The following FOXK2 variants were observed in gnomAD, a reference collection of about 807,000 sequenced individuals.
FOXK2 encodes the protein forkhead box protein K2.
In FOXK2, 24 loss-of-function variants were observed where a neutral mutation model predicts 53.3. That is an observed-to-expected ratio of 0.45 (90% CI 0.33 to 0.63). FOXK2 has a LOEUF of 0.63. Ranked by LOEUF, FOXK2 falls within the 30% of genes least tolerant of loss-of-function variation. FOXK2 has a pLI of 0.03. For missense variants in FOXK2, 952 were observed against 910.5 expected (o/e 1.05, Z -0.59); for synonymous variants, 505 against 407.1 (o/e 1.24, Z -2.89).
At chr17:82,553,237 G>T (rs1366803455) in intron 1 of FOXK2, among the ~76,000 whole-genome samples, 2 of 152,190 alleles carry the variant, frequency 1.3e-5, no homozygotes, top group Non-Finnish European at 2.9e-5. Flanking sequence ...TGCCCAGCCA[G>T]ACTTGTTTTT....
At chr17:82,565,891 T>A (rs1042855945) in intron 2 of FOXK2, among the ~76,000 whole-genome samples, 1 of 152,180 alleles carries the variant, frequency 6.6e-6, no homozygotes, top group African/African-American at 2.4e-5. Context: ...TTCCAGAGAA[T>A]AGAAGATACA....
At chr17:82,592,201 A>C (rs887092812) in intron 8 of FOXK2, among the ~76,000 whole-genome samples, 1 of 152,172 alleles carries the variant, frequency 6.6e-6, no homozygotes, top group Non-Finnish European at 1.5e-5. Flanking sequence ...CAGCATACCC[A>C]GCCAGTGTTG....
chr17:82,545,432 A>T (rs1484806794), intron 1 of FOXK2, among the ~76,000 whole-genome samples: 3 of 152,330 alleles, frequency 2.0e-5, no homozygotes, highest in Admixed American at 2.0e-4. Flanking sequence ...GCTATTGGCC[A>T]TTCTCATTAC....
intron 5 of FOXK2, 124 bp downstream of exon 5, chr17:82,583,058 G>T: frequency 1.4e-6 from 1 of 718,180 alleles, no homozygotes; most frequent in Non-Finnish European, 2.1e-6. Flanking sequence ...ATGTTGGGAT[G>T]GGGATTTGAG....
In FOXK2 at chr17:82,519,989, G is replaced by C; in HGVS notation, c.101G>C (p.Gly34Ala). 1 of 1,400,608 alleles carries C rather than the reference G, an allele frequency of 7.1e-7. No homozygotes were observed. Among genetic ancestry groups the C allele is most frequent in the African/African-American group, 1.5e-5 (1 of 67,500 alleles). 86.8% of individuals were successfully genotyped at this position (1,400,608 alleles called of 1,614,324 possible). Residue 34 changes from glycine to alanine, a missense_variant, in exon 1 of 9, where the codon GGC becomes GCC. By Grantham distance (60) the Gly-to-Ala change is moderately conservative (BLOSUM62 0). Around this residue, in one of 5 missense-constraint regions of FOXK2, gnomAD observed 163 missense variants for 165.5 expected, o/e 0.98. Transcript: ENST00000335255. ...GGGGGCGGCGGGTCCCCGCCGGGCG[G>C]CTGGGCCGTGGCGCGCCTGGAGGGC... ...GAGGGGSPPG[G>A]WAVARLEGRE...
At chr17:82,523,950 A>G (rs1175694081) in intron 1 of FOXK2, among the ~76,000 whole-genome samples, 3 of 152,226 alleles carry the variant, frequency 2.0e-5, no homozygotes, top group East Asian at 1.9e-4. Context: ...GCTGGAGTGC[A>G]GTGGCGTGAT....
intron 8 of FOXK2, chr17:82,596,086 A>T (rs980784413): frequency 6.9e-5 from 65 of 935,644 alleles, no homozygotes; most frequent in Non-Finnish European, 8.4e-5. Context: ...TTGTAGACAC[A>T]TTAGAGTCGG....
At chr17:82,588,235 G>A (rs9897171) in intron 8 of FOXK2, 49,226 of 152,260 alleles carry the variant, frequency 0.32, 8,585 homozygotes, top group Middle Eastern at 0.43. Flanking sequence ...ATAGATCGCA[G>A]AGTTTGCAGT....
chr17:82,587,008 G>A (rs1161041106), intron 7 of FOXK2, 55 bp from the exon 8 acceptor site: 2 of 1,562,826 alleles, frequency 1.3e-6, no homozygotes, highest in Non-Finnish European at 1.8e-6. Flanking sequence ...AAACTGGCAA[G>A]ATTTTTATTT....
At position 82,576,994 on chromosome 17, in the gene FOXK2, T is replaced by A. The variant is rs1174649277; in HGVS notation, c.909+5124T>A. On this transcript the variant is annotated intron_variant, in intron 4 of 8. Transcript: ENST00000335255. ...GACCAACACGGAGAAACTACATCTC[T>A]ACTAAAAATACAATATTATTAGCGG... 3 of 393,598 alleles carry A rather than the reference T, an allele frequency of 7.6e-6. No homozygotes were observed. The East Asian group carries it at 1.6e-4, about 21-fold the overall frequency. 24.4% of individuals were successfully genotyped at this position (393,598 alleles called of 1,614,324 possible). A position where few individuals can be genotyped will look rare whatever the true frequency, so the allele number is the denominator to read the frequency against.
At chr17:82,588,471 G>T (rs570420379) in intron 8 of FOXK2, 9 of 163,702 alleles carry the variant, frequency 5.5e-5, no homozygotes, top group African/African-American at 2.2e-4. Context: ...GAGGGCTGGC[G>T]GTTGGAGGGC....
chr17:82,526,597 G>A (rs1284860781), intron 1 of FOXK2, among the ~76,000 whole-genome samples: 1 of 152,052 alleles, frequency 6.6e-6, no homozygotes, highest in Non-Finnish European at 1.5e-5. Flanking sequence ...TTGGGAGGCC[G>A]AGGCAGGTGG....
intron 8 of FOXK2, among the ~76,000 whole-genome samples, chr17:82,594,700 C>T (rs538092396): frequency 2.5e-4 from 38 of 152,130 alleles, no homozygotes; most frequent in African/African-American, 6.5e-4. Context: ...TAGGCAGCAG[C>T]GGAGCCCGTC....
chr17:82,535,210 G>T (rs2144059915), intron 1 of FOXK2, among the ~76,000 whole-genome samples: 1 of 152,302 alleles, frequency 6.6e-6, no homozygotes, highest in South Asian at 2.1e-4. Flanking sequence ...TGAGAAGTCA[G>T]CTGTTAACAG....
At chr17:82,540,631 C>G (rs999871208) in intron 1 of FOXK2, among the ~76,000 whole-genome samples, 1 of 152,176 alleles carries the variant, frequency 6.6e-6, no homozygotes, top group Non-Finnish European at 1.5e-5. Flanking sequence ...CGCCTGCCCA[C>G]TGGATGCTAC....
chr17:82,573,285 ACCCAGCCTC>A (rs2044939465), intron 4 of FOXK2, among the ~76,000 whole-genome samples: 1 of 151,834 alleles, frequency 6.6e-6, no homozygotes, highest in Admixed American at 6.6e-5. Flanking sequence ...ACAGAATGAG[ACCCAGCCTC>A]CCCTCTGGCC....
intron 1 of FOXK2, chr17:82,559,332 C>G: frequency 4.4e-6 from 2 of 454,998 alleles, no homozygotes; most frequent in Non-Finnish European, 8.8e-6. Context: ...GGCGACCGTG[C>G]GGACTCCACA....
chr17:82,558,707 C>A (rs1449163375), intron 1 of FOXK2, among the ~76,000 whole-genome samples: 1 of 152,066 alleles, frequency 6.6e-6, no homozygotes, highest in East Asian at 1.9e-4. Context: ...ATAAATATAG[C>A]ACAGTGGACA....
At chr17:82,569,992 GT>G (rs1484216234) in intron 3 of FOXK2, among the ~76,000 whole-genome samples, 3 of 152,164 alleles carry the variant, frequency 2.0e-5, no homozygotes, top group African/African-American at 7.2e-5. Flanking sequence ...GGAGGCCAAG[GT>G]GGGCGGATCA....
Sources: gnomAD v4.1 joint callset for allele counts (sites outside exome capture counted in the v4.1 genomes callset) on GRCh38, gnomAD v4.1.1 for gene constraint, gnomAD v4.1.1 regional missense constraint, MANE v1.5 for transcripts, NCBI Gene and HGNC (gene_info 2026-07-23, HGNC 2026-07-21) for gene names.